The following POLB variants were observed in gnomAD, a reference collection of about 807,000 sequenced individuals.
POLB encodes DNA polymerase beta, also known as 5'-dRP lyase.
In POLB, 37 loss-of-function variants were observed where a neutral mutation model predicts 52.7. The observed-to-expected ratio is 0.70, with a 90% CI of 0.54 to 0.92. The LOEUF is 0.92. POLB is among the 40% of genes least tolerant of loss of function. POLB has a pLI of 0.00. For missense variants in POLB, 313 were observed against 400.8 expected (o/e 0.78, Z 1.87); for synonymous variants, 138 against 131.3 (o/e 1.05, Z -0.35).
rs1554531634 is a variant in POLB, at chr8:42,343,345, AATATAT to A, written c.120-1588_120-1583del. On this transcript the variant is annotated intron_variant, in intron 2 of 13. Coordinates refer to ENST00000265421, the MANE Select transcript of POLB (RefSeq NM_002690.3). ...TCAAAAAAAAAAAAAAAAAAAAAAA[AATATAT>A]ATATATATATATATATATACACAAA... Among the ~76,000 whole-genome samples, 52 of 33,056 alleles carry A rather than the reference AATATAT, an allele frequency of 1.6e-3. 1 individual carries two copies. The highest frequency in any genetic ancestry group is 2.7e-3 in the African/African-American group (45 of 16,980). The allele number at this position is 33,056 out of a possible 152,430, so 21.7% of individuals were successfully genotyped here.
intron 2 of POLB, chr8:42,342,146 T>C: frequency 6.6e-7 from 1 of 1,510,886 alleles, no homozygotes; most frequent in Non-Finnish European, 9.1e-7. Flanking sequence ...CAAGCCTCCA[T>C]CCAGGTCACC....
intron 11 of POLB, among the ~76,000 whole-genome samples, chr8:42,365,761 A>G (rs1018203675): frequency 4.6e-5 from 7 of 152,202 alleles, no homozygotes; most frequent in Admixed American, 2.0e-4. Flanking sequence ...AGAGAGATCC[A>G]GAGGAAAAAC....
Position 42,362,596 on chromosome 8 carries a change from A to C in POLB, c.622-16A>C. Reference sequence around the variant, plus strand: ...GTAATTACTCTTTTTCTTATTCCCTAATTATGATTCTACAGCCAAAACTGT... The same window carrying C: ...GTAATTACTCTTTTTCTTATTCCCTCATTATGATTCTACAGCCAAAACTGT... On this transcript the variant is annotated splice_polypyrimidine_tract_variant and intron_variant, in intron 10 of 13. Transcript: ENST00000265421. The C allele has an allele frequency of 6.7e-7, 1 of 1,496,388 alleles. No individual in the cohort carries two copies. The highest frequency in any genetic ancestry group is 1.2e-5 in the South Asian group (1 of 86,278). 92.7% of individuals were successfully genotyped at this position (1,496,388 alleles called of 1,614,324 possible). A position where few individuals can be genotyped will look rare whatever the true frequency, so the allele number is the denominator to read the frequency against.
intron 11 of POLB, among the ~76,000 whole-genome samples, chr8:42,365,077 A>AC (rs199888387): frequency 0.019 from 2,892 of 152,068 alleles, 48 homozygotes; most frequent in Non-Finnish European, 0.03. Flanking sequence ...ACAGAGCAAG[A>AC]CCCCATCTCA....
At chr8:42,350,551 A>G (rs1822913469) in intron 5 of POLB, among the ~76,000 whole-genome samples, 2 of 152,076 alleles carry the variant, frequency 1.3e-5, no homozygotes, top group Admixed American at 6.6e-5. Context: ...AGCTTGGATT[A>G]TAGGTGCACG....
chr8:42,355,973 T>C (rs1823289004), intron 7 of POLB, among the ~76,000 whole-genome samples: 1 of 152,114 alleles, frequency 6.6e-6, no homozygotes, highest in African/African-American at 2.4e-5. Flanking sequence ...AGGACATGAA[T>C]ATGAAAAACT....
rs1411559546 is a variant in POLB at position 42,345,035 on chromosome 8, A to G, written c.186+16A>G. On this transcript the variant is annotated intron_variant, in intron 3 of 13. Transcript: ENST00000265421. ...TAAGAAATTGGTAAGTTTAGTTAGC[A>G]TGTTGATCGAAGAGTTCACACGTGT... 2 of 1,580,430 alleles carry G rather than the reference A, an allele frequency of 1.3e-6. No individual in the cohort carries two copies. The highest frequency in any genetic ancestry group is 1.1e-5 in the South Asian group (1 of 90,358).
intron 11 of POLB, 94 bp downstream of exon 11, chr8:42,362,792 AC>A: frequency 1.4e-6 from 1 of 695,762 alleles, no homozygotes; most frequent in Non-Finnish European, 2.6e-6. Flanking sequence ...GCTTTGAATT[AC>A]AGTCACCAAA....
chr8:42,368,767 T>C (rs1824194675), intron 11 of POLB, among the ~76,000 whole-genome samples: 1 of 152,162 alleles, frequency 6.6e-6, no homozygotes, highest in Admixed American at 6.5e-5. Flanking sequence ...TCAAACTCTT[T>C]TACTTCTGCT....
Position 42,362,681 on chromosome 8 carries a change from G to A in POLB, c.691G>A (p.Gly231Ser). 1 of 1,602,420 alleles carries A rather than the reference G, an allele frequency of 6.2e-7. No homozygotes were observed. Among genetic ancestry groups the A allele is most frequent in the Non-Finnish European group, 8.5e-7 (1 of 1,169,916 alleles). Residue 231 changes from glycine to serine, a missense_variant, in exon 11 of 14, where the codon GGT (glycine) becomes AGT (serine). Gly to Ser is a moderately conservative substitution (Grantham distance 56). Around this residue, in one of 3 missense-constraint regions of POLB, gnomAD observed 246 missense variants for 297.6 expected, o/e 0.83. Transcript: ENST00000265421. ...VHFITDTLSK[G>S]ETKFMGVCQL... The stretch of plus-strand genomic sequence containing the variant: ...TTTTATCACAGATACCCTGTCAAAG[G>A]GTGAGACAAAGTTCATGGTAAGTAC...
intron 7 of POLB, among the ~76,000 whole-genome samples, chr8:42,355,924 G>A (rs141279009): frequency 0.011 from 1,751 of 152,270 alleles, 27 homozygotes; most frequent in Middle Eastern, 0.041. Flanking sequence ...GAGAGGTTGA[G>A]TGTAGCTTTT....
intron 11 of POLB, among the ~76,000 whole-genome samples, chr8:42,365,149 C>G (rs1366527203): frequency 6.6e-6 from 1 of 152,000 alleles, no homozygotes; most frequent in Non-Finnish European, 1.5e-5. Flanking sequence ...ATATTTAACC[C>G]ACACACATAC....
At position 42,357,398 on chromosome 8, in the gene POLB, A is replaced by G. The variant is rs553756137; in HGVS notation, c.550+6A>G. The G allele has an allele frequency of 3.3e-5, 49 of 1,477,570 alleles. No homozygotes were observed. The highest frequency in any genetic ancestry group is 4.5e-5 in the East Asian group (2 of 44,196). The allele number at this position is 1,477,570 out of a possible 1,614,324, so 91.5% of individuals were successfully genotyped here. A position where few individuals can be genotyped will look rare whatever the true frequency, so the allele number is the denominator to read the frequency against. ...CTGTGGCAGTTTCAGAAGAGGTAAC[A>G]TACTTCCTAATCTTGGGTTATTTTT... On this transcript the variant is annotated splice_donor_region_variant and intron_variant, in intron 9 of 13. Coordinates refer to ENST00000265421, the MANE Select transcript of POLB (RefSeq NM_002690.3).
At chr8:42,365,052 A>G (rs1468439753) in intron 11 of POLB, among the ~76,000 whole-genome samples, 1 of 151,990 alleles carries the variant, frequency 6.6e-6, no homozygotes, top group Non-Finnish European at 1.5e-5. Flanking sequence ...GCACTACTGC[A>G]CTCCAGCCTG....
chr8:42,369,033 A>G (rs1824212786), intron 11 of POLB: 5 of 326,004 alleles, frequency 1.5e-5, no homozygotes. Flanking sequence ...GAATCACACA[A>G]AGACCAAATC....
rs1271199705 is a variant in POLB at position 42,371,646 on chromosome 8, C to T, written c.997C>T (p.Arg333Trp). Residue 333 changes from arginine (R) to tryptophan (W), a missense_variant, in exon 14 of 14, where the codon CGG becomes TGG. Transcript: ENST00000265421. Reference sequence around the variant, plus strand: ...GTGGAAATACCGGGAACCCAAGGACCGGAGCGAATGAGGCCTGTATCCTCC... The same window carrying T: ...GTGGAAATACCGGGAACCCAAGGACTGGAGCGAATGAGGCCTGTATCCTCC... ...IQWKYREPKDRSE is the reference protein window; with the variant it reads ...IQWKYREPKDWSE 3 of 1,605,144 alleles carry T rather than the reference C, an allele frequency of 1.9e-6. No individual in the cohort carries two copies. Among genetic ancestry groups the T allele is most frequent in the Non-Finnish European group, 1.7e-6 (2 of 1,172,058 alleles).
chr8:42,369,425 ATATCTAGAGCCTTTTTT>A, intron 12 of POLB, 90 bp downstream of exon 12: 1 of 745,932 alleles, frequency 1.3e-6, no homozygotes. Context: ...GTTCACATTC[ATATCTAGAGCCTTTTTT>A]TACTCCCAAG....
At chr8:42,355,304 C>G (rs1022794563) in intron 6 of POLB, among the ~76,000 whole-genome samples, 1 of 152,148 alleles carries the variant, frequency 6.6e-6, no homozygotes, top group Admixed American at 6.5e-5. Context: ...TCCCAAAGTG[C>G]TGGGATTACA....
chr8:42,350,124 A>G, intron 5 of POLB, 59 bp downstream of exon 5: 1 of 1,099,430 alleles, frequency 9.1e-7, no homozygotes, highest in South Asian at 1.2e-5. Flanking sequence ...CCTGTTAGCC[A>G]AAGTAAATTA....
Sources: gnomAD v4.1 joint callset for allele counts (sites outside exome capture counted in the v4.1 genomes callset) on GRCh38, gnomAD v4.1.1 for gene constraint, gnomAD v4.1.1 regional missense constraint, MANE v1.5 for transcripts, NCBI Gene and HGNC (gene_info 2026-07-23, HGNC 2026-07-21) for gene names.